Variants in MAPK10 observed in about 807,000 individuals in gnomAD.
MAPK10 encodes the protein mitogen-activated protein kinase 10, also known as JNK3 alpha protein kinase.
Under a neutral mutation model 59.3 loss-of-function variants are expected in MAPK10, and 25 were observed. The observed-to-expected ratio is 0.42, with a 90% confidence interval of 0.31 to 0.59. The LOEUF (loss-of-function observed/expected upper bound fraction) is 0.59, where lower values mean the gene tolerates loss of function less well. MAPK10 is among the 20% of genes least tolerant of loss of function. The pLI is 0.15. For synonymous variants in MAPK10, 190 were observed against 200.5 expected, an observed-to-expected ratio of 0.95 and a Z score of 0.44; for missense variants, 351 against 568.9, an observed-to-expected ratio of 0.62 and a Z score of 3.90.
chr4:86,216,256 C>CTA lies in MAPK10; in HGVS notation c.-6-21851_-6-21850dup, dbSNP rs377367291. ...GGAATGAACAGATTAGCAAAATGTG[C>CTA]TATATATATATATATAGCACACACA... On this transcript the variant is annotated intron_variant, in intron 2 of 13. Coordinates refer to ENST00000641462, the MANE Select transcript of MAPK10 (RefSeq NM_138982.4). Among the ~76,000 whole-genome samples, 902 of 137,870 alleles carry CTA rather than the reference C, an allele frequency of 6.5e-3. 6 individuals carry two copies. Among genetic ancestry groups the CTA allele is most frequent in the Non-Finnish European group, 8.1e-3 (514 of 63,594 alleles). The allele number at this position is 137,870 out of a possible 152,430, so 90.4% of individuals were successfully genotyped here. A position where few individuals can be genotyped will look rare whatever the true frequency, so the allele number is the denominator to read the frequency against.
rs1278127802 is a variant in MAPK10, at chr4:86,015,829, C to T, written c.*1399G>A. The T allele has an allele frequency of 1.3e-5, 2 of 152,076 alleles. No individual in the cohort carries two copies. Among genetic ancestry groups the T allele is most frequent in the Non-Finnish European group, 2.9e-5 (2 of 68,008 alleles). The allele number at this position is 152,076 out of a possible 1,614,324, so 9.4% of individuals were successfully genotyped here. On this transcript the variant is annotated 3_prime_UTR_variant, in exon 14 of 14. Transcript: ENST00000641462. ...ATACTTATTAAAATAAATAAATAAA[C>T]ATGAAACATCAGCCACATTAAGGAG...
chr4:86,557,081 T>C (rs1049435779), intron 1 of MAPK10, among the ~76,000 whole-genome samples: 1 of 152,014 alleles, frequency 6.6e-6, no homozygotes, highest in Admixed American at 6.5e-5. Context: ...GTTAATTCCA[T>C]GGCTATCAAT....
At chr4:86,501,116 A>G (rs943353785) in intron 1 of MAPK10, among the ~76,000 whole-genome samples, 8 of 1,346 alleles carry the variant, frequency 5.9e-3, no homozygotes, top group Admixed American at 0.011. Flanking sequence ...TACGATCTGA[A>G]AAAAAAAAAA....
At chr4:86,191,536 T>C (rs1387572444) in intron 3 of MAPK10, 4 of 143,668 alleles carry the variant, frequency 2.8e-5, no homozygotes, top group Non-Finnish European at 6.1e-5. Flanking sequence ...TATCAGAGAC[T>C]AGGATTACAA....
chr4:86,333,818 A>C (rs2096210810), intron 2 of MAPK10, among the ~76,000 whole-genome samples: 1 of 152,202 alleles, frequency 6.6e-6, no homozygotes, highest in South Asian at 2.1e-4. Flanking sequence ...AGAAGATTAA[A>C]TTGATCTAAT....
intron 4 of MAPK10, among the ~76,000 whole-genome samples, chr4:86,111,933 C>T (rs1256340188): frequency 6.6e-6 from 1 of 152,112 alleles, no homozygotes; most frequent in Non-Finnish European, 1.5e-5. Context: ...TCAGCTTCTT[C>T]CTGGTTCAGT....
At chr4:86,129,088 A>C (rs528849817) in intron 4 of MAPK10, among the ~76,000 whole-genome samples, 1 of 152,244 alleles carries the variant, frequency 6.6e-6, no homozygotes, top group East Asian at 1.9e-4. Flanking sequence ...ATGATAGAAA[A>C]ATAATTTCAT....
chr4:86,267,348 A>C (rs1299302737), intron 2 of MAPK10, among the ~76,000 whole-genome samples: 5 of 152,178 alleles, frequency 3.3e-5, no homozygotes, highest in Admixed American at 3.3e-4. Flanking sequence ...CCTCCTAAGC[A>C]GTAACTCCAG....
chr4:86,220,623 A>G (rs894252779), intron 2 of MAPK10, among the ~76,000 whole-genome samples: 21 of 152,228 alleles, frequency 1.4e-4, no homozygotes, highest in African/African-American at 4.8e-4. Context: ...GGAAATGTAT[A>G]TTTTTACATT....
At chr4:86,307,694 T>A (rs1284017431) in intron 2 of MAPK10, among the ~76,000 whole-genome samples, 1 of 152,116 alleles carries the variant, frequency 6.6e-6, no homozygotes, top group Non-Finnish European at 1.5e-5. Context: ...AGAGTCTAGT[T>A]TGGTTGGGAC....
intron 2 of MAPK10, among the ~76,000 whole-genome samples, chr4:86,261,743 T>C (rs1490933816): frequency 1.3e-5 from 2 of 152,214 alleles, no homozygotes; most frequent in Non-Finnish European, 2.9e-5. Context: ...GCCCTGCCTA[T>C]GGAGTTGTTA....
At chr4:86,152,102 C>T (rs949244635) in intron 4 of MAPK10, 1 of 152,176 alleles carries the variant, frequency 6.6e-6, no homozygotes, top group African/African-American at 2.4e-5. Context: ...TCATCTCAGT[C>T]CTCTTGTGCA....
At chr4:86,527,828 G>A (rs1235625886) in intron 1 of MAPK10, among the ~76,000 whole-genome samples, 4 of 152,148 alleles carry the variant, frequency 2.6e-5, no homozygotes, top group Non-Finnish European at 4.4e-5. Flanking sequence ...GCATAAAAAA[G>A]AATGAAATCA....
chr4:86,039,394 C>T (rs945204524), intron 11 of MAPK10, among the ~76,000 whole-genome samples: 17 of 152,318 alleles, frequency 1.1e-4, no homozygotes, highest in Non-Finnish European at 1.9e-4. Context: ...GAGCATCAGA[C>T]TTTGCCTTAG....
intron 1 of MAPK10, among the ~76,000 whole-genome samples, chr4:86,484,554 G>A (rs768046710): frequency 6.6e-6 from 1 of 152,098 alleles, no homozygotes; most frequent in Admixed American, 6.6e-5. Context: ...GGAAAATGGG[G>A]ATAATAAAAT....
intron 1 of MAPK10, among the ~76,000 whole-genome samples, chr4:86,471,613 A>AT (rs1752670860): frequency 6.6e-6 from 1 of 152,244 alleles, no homozygotes. Flanking sequence ...TTACCATGTT[A>AT]TCACTGTTGT....
At position 86,449,938 on chromosome 4, in the gene MAPK10, G is replaced by C. The variant is rs1035047933; in HGVS notation, c.-122+3092C>G. ...TGAAGACTTCAGTTCTATAACCTCA[G>C]GAGCCTGCATTTTGCCAACAGTCAC... On this transcript the variant is annotated intron_variant, in intron 1 of 13. Transcript: ENST00000361569. Among the ~76,000 whole-genome samples the C allele has an allele frequency of 2.0e-5, 3 of 152,166 alleles. No homozygotes were observed. In the South Asian group the frequency reaches 6.2e-4, roughly 32 times the overall value.
chr4:86,146,333 A>T (rs865836900), intron 4 of MAPK10, among the ~76,000 whole-genome samples: 10 of 152,240 alleles, frequency 6.6e-5, no homozygotes, highest in African/African-American at 2.4e-4. Flanking sequence ...CAATGTAAAA[A>T]TAATGTGATG....
intron 11 of MAPK10, among the ~76,000 whole-genome samples, chr4:86,055,258 C>T (rs1179688851): frequency 7.6e-6 from 1 of 132,306 alleles, no homozygotes; most frequent in Non-Finnish European, 1.7e-5. Flanking sequence ...TGAAATTATT[C>T]ACATTGTTAA....
Sources: allele counts gnomAD v4.1 joint callset (sites outside exome capture counted in the v4.1 genomes callset), GRCh38; gene constraint gnomAD v4.1.1; transcripts MANE v1.5; gene names NCBI Gene and HGNC (gene_info 2026-07-23, HGNC 2026-07-21).